The following PTPN3 variants were observed in gnomAD, a reference collection of about 807,000 sequenced individuals.
The protein encoded by PTPN3 is protein tyrosine phosphatase non-receptor type 3.
PTPN3 carries 96 observed loss-of-function variants against 132.7 expected under a neutral mutation model. That is an observed-to-expected ratio of 0.72 (90% CI 0.61 to 0.86). The LOEUF is 0.86. Ranked by LOEUF, PTPN3 falls within the 40% of genes least tolerant of loss-of-function variation. The probability of loss-of-function intolerance (pLI) is 0.00; values close to 1 mark genes in which losing one functional copy is unlikely to be tolerated. For synonymous variants in PTPN3, 398 were observed against 429.0 expected, an observed-to-expected ratio of 0.93 and a Z score of 0.89; for missense variants, 1,125 against 1,159.6, an observed-to-expected ratio of 0.97 and a Z score of 0.43.
At chr9:109,510,570 A>ATATATATATATATAT in the PTPN3 span, among the ~76,000 whole-genome samples, 1 of 78,500 alleles carries the variant, frequency 1.3e-5, no homozygotes, top group African/African-American at 4.7e-5. Context: ...AAAAAAAAAA[A>ATATATATATATATAT]AAAAAAATAT....
Position 109,474,191 on chromosome 9 carries a change from T to TG in PTPN3, c.-17-10741dup, listed in dbSNP as rs578223628. 5.0e-3 allele frequency among the ~76,000 whole-genome samples: 760 copies of TG among 152,078 alleles called. 4 individuals are homozygous for TG. The highest frequency in any genetic ancestry group is 8.0e-3 in the Non-Finnish European group (541 of 67,970). ...GAAAAATAGGGCAAATGCCAGCCCATGGGGGGGTTTTAACCAAGTCATACT... is the reference window on the plus strand; with the variant it reads ...GAAAAATAGGGCAAATGCCAGCCCATGGGGGGGGTTTTAACCAAGTCATACT... On this transcript the variant is annotated intron_variant, in intron 1 of 25. Transcript: ENST00000374541.
At chr9:109,517,628 G>A in the PTPN3 span, among the ~76,000 whole-genome samples, 1 of 152,198 alleles carries the variant, frequency 6.6e-6, no homozygotes, top group East Asian at 1.9e-4. Flanking sequence ...GTAGGTCTGG[G>A]TTGGAGCCCA....
At chr9:109,514,660 A>T in the PTPN3 span, among the ~76,000 whole-genome samples, 2 of 152,124 alleles carry the variant, frequency 1.3e-5, no homozygotes, top group East Asian at 3.9e-4. Context: ...AGGTGCGTAG[A>T]CTGTTTTAAT....
Position 109,406,409 on chromosome 9 carries a change from G to C in PTPN3, c.1792+53C>G. On this transcript the variant is annotated intron_variant, in intron 18 of 25. Coordinates refer to ENST00000374541, the MANE Select transcript of PTPN3 (RefSeq NM_002829.4). ...GAGCAGATAAAGGGCTGGAGCAGGC[G>C]CAGCTTGGCTAGGACAGCTTCCCTA... 1.3e-6 allele frequency: 2 copies of C among 1,574,246 alleles called. 1 individual carries two copies. The highest frequency in any genetic ancestry group is 3.7e-4 in the Middle Eastern group (2 of 5,360).
chr9:109,413,378 G>T (rs764542488), intron 14 of PTPN3, among the ~76,000 whole-genome samples: 1 of 152,216 alleles, frequency 6.6e-6, no homozygotes, highest in Non-Finnish European at 1.5e-5. Flanking sequence ...GTGATATTCT[G>T]TTCAGTGTGC....
At chr9:109,509,805 G>C in the PTPN3 span, among the ~76,000 whole-genome samples, 1 of 152,034 alleles carries the variant, frequency 6.6e-6, no homozygotes. Flanking sequence ...CTTTGTAGTT[G>C]ATGTTGGGTT....
In PTPN3 at chr9:109,422,824, CCT is replaced by C. The variant is rs748599938; in HGVS notation, c.1028_1029del (p.Lys343SerfsTer55). 2.5e-6 allele frequency: 4 copies of C among 1,613,482 alleles called. No homozygotes were observed. Among genetic ancestry groups the C allele is most frequent in the Non-Finnish European group, 3.4e-6 (4 of 1,179,432 alleles). On this transcript the variant is annotated frameshift_variant, in exon 13 of 26. Coordinates refer to ENST00000374541, the MANE Select transcript of PTPN3 (RefSeq NM_002829.4). LOFTEE classifies it high-confidence loss of function. ...KKSVNNQYCKKVIGGMVWNPA... is the reference protein window; with the variant it reads ...KKSVNNQYCKXVIGGMVWNPA... The stretch of plus-strand genomic sequence containing the variant: ...GGGTTCCACACCATCCCGCCAATCA[CCT>C]TTTTGCAATATTGGTTATTTACCGA...
chr9:109,438,373 A>G, intron 7 of PTPN3, 139 bp from the exon 8 acceptor site: 1 of 901,834 alleles, frequency 1.1e-6, no homozygotes, highest in Non-Finnish European at 1.6e-6. Flanking sequence ...ACATGAACTG[A>G]AGCTTCTCAC....
At chr9:109,475,090 G>T (rs1846588232) in intron 1 of PTPN3, among the ~76,000 whole-genome samples, 1 of 152,154 alleles carries the variant, frequency 6.6e-6, no homozygotes, top group South Asian at 2.1e-4. Context: ...AGTTAAACCT[G>T]CACAAATATG....
rs926073131 is a variant in PTPN3, at chr9:109,381,511, C to G, written c.2664+141G>C. 8 of 1,255,030 alleles carry G rather than the reference C, an allele frequency of 6.4e-6. No individual in the cohort carries two copies. In the Admixed American group the frequency reaches 1.5e-4, roughly 23 times the overall value. 77.7% of individuals were successfully genotyped at this position (1,255,030 alleles called of 1,614,324 possible). A position where few individuals can be genotyped will look rare whatever the true frequency, so the allele number is the denominator to read the frequency against. ...GTGAGATGGGTGTGGGCTGTAGCCA[C>G]TGACAAGCTCTGTGACCTTGGGCAA... On this transcript the variant is annotated intron_variant, in intron 25 of 25. Coordinates refer to ENST00000374541, the MANE Select transcript of PTPN3 (RefSeq NM_002829.4).
intron 1 of PTPN3, among the ~76,000 whole-genome samples, chr9:109,464,641 C>G (rs927921365): frequency 6.6e-6 from 1 of 152,020 alleles, no homozygotes; most frequent in Non-Finnish European, 1.5e-5. Flanking sequence ...ATAACAACAA[C>G]AAAAAAGAAT....
chr9:109,429,730 G>T (rs971302745), intron 10 of PTPN3, among the ~76,000 whole-genome samples: 1 of 128,316 alleles, frequency 7.8e-6, no homozygotes. Context: ...ACTACAAGTG[G>T]TCTTGGAACC....
At chr9:109,411,034 T>A (rs1192126142) in intron 14 of PTPN3, among the ~76,000 whole-genome samples, 1 of 152,202 alleles carries the variant, frequency 6.6e-6, no homozygotes, top group Non-Finnish European at 1.5e-5. Context: ...CCACTAGTTA[T>A]ATGTGGCTAC....
chr9:109,481,961 C>T (rs948577628), intron 1 of PTPN3, among the ~76,000 whole-genome samples: 1 of 152,198 alleles, frequency 6.6e-6, no homozygotes, highest in African/African-American at 2.4e-5. Flanking sequence ...GAAACTCCCC[C>T]GCCTTTCGGT....
the PTPN3 span, chr9:109,534,253 G>A: frequency 6.6e-7 from 1 of 1,511,940 alleles, no homozygotes; most frequent in Non-Finnish European, 9.0e-7. Context: ...AGTGCCGGGC[G>A]TGGTGTCACC....
chr9:109,510,227 C>T, the PTPN3 span, among the ~76,000 whole-genome samples: 1 of 152,052 alleles, frequency 6.6e-6, no homozygotes, highest in Admixed American at 6.6e-5. Context: ...GGCTTATGAA[C>T]AGAAATGAGT....
upstream of PTPN3, among the ~76,000 whole-genome samples, chr9:109,499,822 C>T (rs999360234): frequency 4.6e-5 from 7 of 152,314 alleles, no homozygotes; most frequent in East Asian, 7.7e-4. Context: ...CGACGGAGCC[C>T]GGAGTCCAGG....
At chr9:109,455,979 C>G (rs1254600768) in intron 4 of PTPN3, among the ~76,000 whole-genome samples, 1 of 152,082 alleles carries the variant, frequency 6.6e-6, no homozygotes, top group Non-Finnish European at 1.5e-5. Flanking sequence ...TTGGATGAGG[C>G]AGGTATTTGT....
In PTPN3 at chr9:109,488,093, C is replaced by CTT. The variant is rs766663409; in HGVS notation, c.-18+10124_-18+10125dup. ...TGGGGTCGGGGGGAGGAGGGAAGTA[C>CTT]TTTTTTTTTTTTTTTTTTTTTGAGA... On this transcript the variant is annotated intron_variant, in intron 1 of 25. Transcript: ENST00000374541. 1.1e-3 allele frequency among the ~76,000 whole-genome samples: 128 copies of CTT among 121,122 alleles called. 2 individuals carry two copies. The highest frequency in any genetic ancestry group is 2.4e-3 in the African/African-American group (78 of 32,640). The allele number at this position is 121,122 out of a possible 152,430, so 79.5% of individuals were successfully genotyped here. A position where few individuals can be genotyped will look rare whatever the true frequency, so the allele number is the denominator to read the frequency against.
Sources: gnomAD v4.1 joint callset for allele counts (sites outside exome capture counted in the v4.1 genomes callset) on GRCh38, gnomAD v4.1.1 for gene constraint, MANE v1.5 for transcripts, NCBI Gene and HGNC (gene_info 2026-07-23, HGNC 2026-07-21) for gene names.